Variants in IL17B observed in about 807,000 individuals in gnomAD.
IL17B encodes interleukin 17B, also known as interleukin-17B.
A neutral mutation model predicts 14.7 loss-of-function variants in IL17B; 14 were observed. That is an observed-to-expected ratio of 0.95 (90% CI 0.63 to 1.49). The LOEUF (loss-of-function observed/expected upper bound fraction) is 1.49, where lower values mean the gene tolerates loss of function less well. Among genes scored for constraint, IL17B ranks in the 40% most tolerant of loss-of-function variants. The probability of loss-of-function intolerance (pLI) is 0.00; values close to 1 mark genes in which losing one functional copy is unlikely to be tolerated. For synonymous variants in IL17B, 105 were observed against 94.8 expected (o/e 1.11, Z -0.62); for missense variants, 233 against 252.8 (o/e 0.92, Z 0.53).
chr5:149,396,930 C>T (rs967890315), intron 1 of IL17B, among the ~76,000 whole-genome samples: 7 of 152,046 alleles, frequency 4.6e-5, no homozygotes, highest in South Asian at 2.1e-4. Context: ...GCAAGCATGG[C>T]GCTATATGGG....
intron 2 of IL17B, among the ~76,000 whole-genome samples, chr5:149,376,312 G>T (rs998429433): frequency 2.6e-5 from 4 of 152,226 alleles, no homozygotes; most frequent in African/African-American, 9.6e-5. Flanking sequence ...GAATCCCTAG[G>T]TGATTCTGAT....
At chr5:149,395,992 A>T (rs1317551960) in intron 1 of IL17B, among the ~76,000 whole-genome samples, 2 of 152,190 alleles carry the variant, frequency 1.3e-5, no homozygotes. Flanking sequence ...GTGGCCCACC[A>T]CACCTGGCCC....
intron 1 of IL17B, among the ~76,000 whole-genome samples, chr5:149,386,041 G>T (rs896302835): frequency 6.6e-6 from 1 of 152,172 alleles, no homozygotes; most frequent in Non-Finnish European, 1.5e-5. Context: ...CCTGCACCCC[G>T]AACATTAAGC....
At chr5:149,382,302 G>C (rs1413304961), upstream of IL17B, among the ~76,000 whole-genome samples, 1 of 152,136 alleles carries the variant, frequency 6.6e-6, no homozygotes, top group Non-Finnish European at 1.5e-5. Context: ...ACCGATTCCA[G>C]GTGTCGGGGT....
Position 149,376,755 on chromosome 5 carries a change from G to A in IL17B, c.292C>T (p.Leu98=), listed in dbSNP as rs929131092. The A allele has an allele frequency of 6.2e-7, 1 of 1,610,812 alleles. No homozygotes were observed. The highest frequency in any genetic ancestry group is 8.5e-7 in the Non-Finnish European group (1 of 1,178,210). The stretch of plus-strand genomic sequence containing the variant: ...GCCTACCTGTAGCCCCAGGGAGACA[G>A]GCTCCTCTTGTTGGACATCCACAGC... ...LQLWMSNKRS[L]SPWGYSINHD... The change falls in exon 2 of 3, where the codon CTG becomes TTG. Residue 98 remains leucine (L), a synonymous_variant. Coordinates refer to ENST00000261796, the MANE Select transcript of IL17B (RefSeq NM_014443.3).
At chr5:149,392,693 G>A (rs1758994323) in intron 1 of IL17B, among the ~76,000 whole-genome samples, 1 of 152,190 alleles carries the variant, frequency 6.6e-6, no homozygotes, top group Non-Finnish European at 1.5e-5. Flanking sequence ...CTGTGATGGT[G>A]ACAATGTATA....
chr5:149,379,334 G>A (rs1758626611), upstream of IL17B: 1 of 1,304,916 alleles, frequency 7.7e-7, no homozygotes, highest in Non-Finnish European at 1.1e-6. Context: ...GCTCAACTGG[G>A]GGCTGCTGGG....
rs144012284 is a variant in IL17B, at chr5:149,395,705, C to T, written n.95+8403G>A. On this transcript the variant is annotated intron_variant and non_coding_transcript_variant, in intron 1 of 2. Transcript: ENST00000505432. The stretch of plus-strand genomic sequence containing the variant: ...GTTATTCTTTTGAGGAGGAGTCTCG[C>T]TCTGTTGCCCAGGCTGGAGTGCAAT... Among the ~76,000 whole-genome samples, 1,215 of 152,292 alleles carry T rather than the reference C, an allele frequency of 8.0e-3. 10 individuals carry two copies. Among genetic ancestry groups the T allele is most frequent in the African/African-American group, 0.028 (1,155 of 41,562 alleles).
rs1485484439 is a variant in IL17B at position 149,388,490 on chromosome 5, C to G, written n.96-11465G>C. Among the ~76,000 whole-genome samples, 5 of 152,116 alleles carry G rather than the reference C, an allele frequency of 3.3e-5. No homozygotes were observed. The East Asian group carries it at 9.6e-4, about 29-fold the overall frequency. On this transcript the variant is annotated intron_variant and non_coding_transcript_variant, in intron 1 of 2. Transcript: ENST00000505432. ...CTCAGTGATACTATTGTATATGCTC[C>G]CCAGCCTTTTATTAGCGTTTTAAAT...
chr5:149,386,186 G>A (rs2127619945), intron 1 of IL17B, among the ~76,000 whole-genome samples: 1 of 152,306 alleles, frequency 6.6e-6, no homozygotes, highest in Admixed American at 6.5e-5. Flanking sequence ...TTGTATGTGT[G>A]TGTTTTGTTA....
intron 1 of IL17B, among the ~76,000 whole-genome samples, chr5:149,390,730 A>G (rs542890051): frequency 1.4e-4 from 21 of 152,004 alleles, no homozygotes; most frequent in Non-Finnish European, 2.8e-4. Context: ...TTTGAGGCTT[A>G]GGAAGACTAT....
In IL17B at chr5:149,390,587, GCACACACACACACA is replaced by G. The variant is rs56268721; in HGVS notation, n.95+13507_95+13520del. Among the ~76,000 whole-genome samples, 284 of 114,946 alleles carry G rather than the reference GCACACACACACACA, an allele frequency of 2.5e-3. 1 individual carries two copies. The highest frequency in any genetic ancestry group is 0.013 in the Middle Eastern group (3 of 238). 75.4% of individuals were successfully genotyped at this position (114,946 alleles called of 152,430 possible). On this transcript the variant is annotated intron_variant and non_coding_transcript_variant, in intron 1 of 2. Coordinates refer to the IL17B transcript ENST00000505432. ...TCACAGCACCTCCATCCCTGAGTTA[GCACACACACACACA>G]CACACACACACACACACACACACAC...
At chr5:149,393,051 G>A (rs973773508) in intron 1 of IL17B, among the ~76,000 whole-genome samples, 3 of 151,910 alleles carry the variant, frequency 2.0e-5, no homozygotes, top group Non-Finnish European at 4.4e-5. Context: ...GTGTGTGTGC[G>A]CATGTGTGTC....
intron 1 of IL17B, among the ~76,000 whole-genome samples, chr5:149,389,649 A>G (rs555388937): frequency 6.6e-6 from 1 of 152,346 alleles, no homozygotes; most frequent in South Asian, 2.1e-4. Flanking sequence ...CTGGAATTAT[A>G]GCTTGTCCTC....
chr5:149,378,963 G>A (rs1758615823), intron 1 of IL17B, among the ~76,000 whole-genome samples: 1 of 152,166 alleles, frequency 6.6e-6, no homozygotes, highest in African/African-American at 2.4e-5. Flanking sequence ...GATCTCCCCA[G>A]ACGCCTCTGG....
At position 149,374,318 on chromosome 5, in the gene IL17B, G is replaced by A; in HGVS notation, c.*51C>T. ...TTCATAGGCCTTTCTTGGCACAAAG[G>A]TGCAAGGAGGATGGTCTCGGGCTGC... On this transcript the variant is annotated 3_prime_UTR_variant, in exon 3 of 3. Coordinates refer to ENST00000261796, the MANE Select transcript of IL17B (RefSeq NM_014443.3). This position sits in a 1 kb window ranked among gnomAD's most constrained non-coding sequence, Gnocchi z 5.0. 1 of 1,483,262 alleles carries A rather than the reference G, an allele frequency of 6.7e-7. No individual in the cohort carries two copies. Among genetic ancestry groups the A allele is most frequent in the Non-Finnish European group, 9.0e-7 (1 of 1,105,432 alleles). 91.9% of individuals were successfully genotyped at this position (1,483,262 alleles called of 1,614,324 possible).
intron 1 of IL17B, among the ~76,000 whole-genome samples, chr5:149,378,390 C>T (rs188524606): frequency 6.6e-6 from 1 of 152,172 alleles, no homozygotes; most frequent in Admixed American, 6.5e-5. Flanking sequence ...TCAGGAAAGC[C>T]TTTGGCTCAC....
At chr5:149,393,338 T>C (rs1322120127) in intron 1 of IL17B, among the ~76,000 whole-genome samples, 1 of 152,142 alleles carries the variant, frequency 6.6e-6, no homozygotes, top group Non-Finnish European at 1.5e-5. Context: ...GTGTGCCCTA[T>C]GCATCCCTGT....
At chr5:149,397,192 T>C (rs1443870363) in intron 1 of IL17B, among the ~76,000 whole-genome samples, 2 of 152,124 alleles carry the variant, frequency 1.3e-5, no homozygotes, top group South Asian at 2.1e-4. Flanking sequence ...TCTTTTGAGA[T>C]GGAGTTTTGC....
Sources: allele counts gnomAD v4.1 joint callset (sites outside exome capture counted in the v4.1 genomes callset), GRCh38; gene constraint gnomAD v4.1.1; non-coding constraint Gnocchi (gnomAD v3.1); transcripts MANE v1.5; gene names NCBI Gene and HGNC (gene_info 2026-07-23, HGNC 2026-07-21).